The following DIAPH3 variants were observed in gnomAD, a reference collection of about 807,000 sequenced individuals.
The protein encoded by DIAPH3 is protein diaphanous homolog 3.
Under a neutral mutation model 144.3 loss-of-function variants are expected in DIAPH3, and 117 were observed. That is an observed-to-expected ratio of 0.81 (90% CI 0.70 to 0.95). DIAPH3 has a LOEUF of 0.95. Ranked by LOEUF, DIAPH3 falls within the 40% of genes least tolerant of loss-of-function variation. The probability of loss-of-function intolerance (pLI) is 0.00; values close to 1 mark genes in which losing one functional copy is unlikely to be tolerated. For missense variants in DIAPH3, 1,421 were observed against 1,412.7 expected (o/e 1.01, Z -0.09); for synonymous variants, 519 against 488.9 (o/e 1.06, Z -0.81).
chr13:59,896,815 T>G (rs1379311827), intron 20 of DIAPH3, among the ~76,000 whole-genome samples: 1 of 152,210 alleles, frequency 6.6e-6, no homozygotes, highest in African/African-American at 2.4e-5. Flanking sequence ...TTTAGTAATT[T>G]AGATTATACT....
intron 15 of DIAPH3, among the ~76,000 whole-genome samples, chr13:59,971,690 AAAC>A (rs963777226): frequency 2.5e-4 from 38 of 152,324 alleles, no homozygotes; most frequent in Admixed American, 1.1e-3. Context: ...GCACTTGAGA[AAAC>A]AACAACAACA....
Position 59,992,091 on chromosome 13 carries a change from A to G in DIAPH3, c.1221T>C (p.Leu407=), listed in dbSNP as rs757585634. 10 of 1,611,830 alleles carry G rather than the reference A, an allele frequency of 6.2e-6. No individual in the cohort carries two copies. Among genetic ancestry groups the G allele is most frequent in the Non-Finnish European group, 8.5e-6 (10 of 1,178,592 alleles). The stretch of plus-strand genomic sequence containing the variant: ...ATTCAAGTTCAGCTCTAATATCTTC[A>G]AGGCGATGGGATAACTCAAACAAAT... ...EEDLFELSHR[L]EDIRAELDEA... The change falls in exon 11 of 28, where the codon CTT becomes CTC. Residue 407 remains leucine (L), a synonymous_variant. Coordinates refer to ENST00000400324, the MANE Select transcript of DIAPH3 (RefSeq NM_001042517.2).
intron 25 of DIAPH3, among the ~76,000 whole-genome samples, chr13:59,788,984 C>T (rs2039184400): frequency 6.6e-6 from 1 of 152,162 alleles, no homozygotes; most frequent in Non-Finnish European, 1.5e-5. Flanking sequence ...TTCACTCTGA[C>T]CTATTCTAAA....
intron 25 of DIAPH3, among the ~76,000 whole-genome samples, chr13:59,798,584 A>G (rs2039732116): frequency 6.6e-6 from 1 of 152,216 alleles, no homozygotes; most frequent in South Asian, 2.1e-4. Context: ...CCACATTTCA[A>G]AGGAACAACA....
intron 27 of DIAPH3, among the ~76,000 whole-genome samples, chr13:59,691,420 T>C (rs774158320): frequency 2.0e-5 from 3 of 152,204 alleles, no homozygotes; most frequent in Non-Finnish European, 4.4e-5. Context: ...TACTGATATC[T>C]AGGTGTTTAG....
intron 22 of DIAPH3, among the ~76,000 whole-genome samples, chr13:59,857,237 G>A (rs958275726): frequency 4.4e-4 from 67 of 152,020 alleles, no homozygotes; most frequent in African/African-American, 1.5e-3. Context: ...AAATTTTCCA[G>A]GTGGTTGCCA....
chr13:59,679,460 CGG>C (rs1247239526), intron 27 of DIAPH3, among the ~76,000 whole-genome samples: 2 of 152,102 alleles, frequency 1.3e-5, no homozygotes, highest in African/African-American at 4.8e-5. Context: ...TCTGTCTTCT[CGG>C]GGCTTTGGGC....
chr13:60,089,865 C>A (rs2057874074), intron 4 of DIAPH3, among the ~76,000 whole-genome samples: 1 of 152,088 alleles, frequency 6.6e-6, no homozygotes, highest in African/African-American at 2.4e-5. Context: ...ACAGTAATTT[C>A]CAGATTGAAT....
chr13:59,742,653 AAAAGGAAAGG>A (rs1045790150), intron 27 of DIAPH3, among the ~76,000 whole-genome samples: 1 of 151,816 alleles, frequency 6.6e-6, no homozygotes, highest in Non-Finnish European at 1.5e-5. Context: ...GAAGGAAGGA[AAAAGGAAAGG>A]AAAGGAAAGG....
chr13:59,673,530 T>C (rs987286168), intron 27 of DIAPH3, among the ~76,000 whole-genome samples: 1 of 152,184 alleles, frequency 6.6e-6, no homozygotes, highest in Non-Finnish European at 1.5e-5. Flanking sequence ...CCTAAACTGA[T>C]AGTTTTTGCT....
intron 27 of DIAPH3, among the ~76,000 whole-genome samples, chr13:59,732,259 T>TA (rs5803970): frequency 0.66 from 99,472 of 151,590 alleles, 33,064 homozygotes; most frequent in East Asian, 0.72. Context: ...TGAGTCTATC[T>TA]ATATTCTTCT....
intron 17 of DIAPH3, among the ~76,000 whole-genome samples, chr13:59,965,843 T>A (rs985552833): frequency 6.6e-6 from 1 of 152,038 alleles, no homozygotes; most frequent in African/African-American, 2.4e-5. Context: ...GTATCCCCAA[T>A]GTCAAGCATG....
intron 27 of DIAPH3, among the ~76,000 whole-genome samples, chr13:59,709,053 T>C (rs2034582674): frequency 1.3e-5 from 2 of 151,304 alleles, no homozygotes; most frequent in Admixed American, 6.7e-5. Flanking sequence ...CTTTAAAATC[T>C]GTAAAAAATG....
chr13:59,683,442 T>C (rs749459598), intron 27 of DIAPH3, among the ~76,000 whole-genome samples: 7 of 152,022 alleles, frequency 4.6e-5, no homozygotes, highest in Non-Finnish European at 1.0e-4. Flanking sequence ...TAGCAGCAGA[T>C]GATGAATGAA....
chr13:59,806,755 G>C (rs879847134), intron 25 of DIAPH3, among the ~76,000 whole-genome samples: 2 of 151,854 alleles, frequency 1.3e-5, no homozygotes, highest in Non-Finnish European at 2.9e-5. Flanking sequence ...ACAATAAAAA[G>C]TGGCCTTGCT....
chr13:59,885,573 C>A (rs79801761), intron 20 of DIAPH3, among the ~76,000 whole-genome samples: 14 of 151,626 alleles, frequency 9.2e-5, no homozygotes, highest in African/African-American at 3.1e-4. Flanking sequence ...TACTTTCCTG[C>A]TGATGGACTT....
intron 27 of DIAPH3, among the ~76,000 whole-genome samples, chr13:59,773,348 T>G (rs1266112842): frequency 5.9e-5 from 9 of 152,200 alleles, no homozygotes; most frequent in South Asian, 2.1e-4. Context: ...GCACAGGTTT[T>G]TCTCTCAGTC....
chr13:60,155,517 G>C (rs1427754442), intron 1 of DIAPH3, among the ~76,000 whole-genome samples: 1 of 152,110 alleles, frequency 6.6e-6, no homozygotes, highest in African/African-American at 2.4e-5. Context: ...AGAATGGCTG[G>C]GAAAATTCAG....
At chr13:59,978,823 A>G (rs903428464) in intron 14 of DIAPH3, among the ~76,000 whole-genome samples, 1 of 151,736 alleles carries the variant, frequency 6.6e-6, no homozygotes, top group Admixed American at 6.6e-5. Flanking sequence ...ATGTTGAAAG[A>G]CACAGTTAAG....
Sources: allele counts gnomAD v4.1 joint callset (sites outside exome capture counted in the v4.1 genomes callset), GRCh38; gene constraint gnomAD v4.1.1; transcripts MANE v1.5; gene names NCBI Gene and HGNC (gene_info 2026-07-23, HGNC 2026-07-21).